The following VPS53 variants were observed in gnomAD, a reference collection of about 807,000 sequenced individuals.
VPS53 encodes vacuolar protein sorting-associated protein 53 homolog.
In VPS53, 70 loss-of-function variants were observed where a neutral mutation model predicts 107.0. The observed-to-expected ratio is 0.65, with a 90% confidence interval of 0.54 to 0.80. The LOEUF (loss-of-function observed/expected upper bound fraction) is 0.80, where lower values mean the gene tolerates loss of function less well. Among genes scored for constraint, VPS53 ranks in the 30% least tolerant of loss-of-function variants. The pLI is 0.00. For missense variants in VPS53, 917 were observed against 1,049.4 expected, an observed-to-expected ratio of 0.87 and a Z score of 1.74; for synonymous variants, 409 against 393.3, an observed-to-expected ratio of 1.04 and a Z score of -0.47.
intron 7 of VPS53, among the ~76,000 whole-genome samples, chr17:638,003 G>A (rs1970266348): frequency 2.0e-5 from 3 of 152,160 alleles, no homozygotes; most frequent in Non-Finnish European, 2.9e-5. Flanking sequence ...TCTGTCTAAT[G>A]TTGACAGTGG....
intron 13 of VPS53, among the ~76,000 whole-genome samples, chr17:569,073 C>A (rs182330552): frequency 6.6e-6 from 1 of 152,130 alleles, no homozygotes; most frequent in Non-Finnish European, 1.5e-5. Context: ...GGGAAATGGA[C>A]GACTCCAGGG....
chr17:697,396 T>C lies in VPS53; in HGVS notation c.285+22A>G, dbSNP rs751441688. 8 of 1,604,184 alleles carry C rather than the reference T, an allele frequency of 5.0e-6. No homozygotes were observed. The Middle Eastern group carries it at 8.3e-4, about 166-fold the overall frequency. On this transcript the variant is annotated intron_variant, in intron 4 of 21. Transcript: ENST00000437048. ...GGAGAAACCAGGGGAGCATAGGTAA[T>C]ATGGAGGAATGAGTTACTTACTTGC...
chr17:601,823 A>G lies in VPS53; in HGVS notation c.1190T>C (p.Leu397Pro). ...EDEPTPEMEE[L>P]ATEKGDLDQP... ...ATCTAAATCTCCTTTCTCCGTTGCC[A>G]GTTCCTCCATCTCTGGTGTTGGCTC... The change falls in exon 12 of 22, where the codon CTG becomes CCG. Residue 397 changes from leucine to proline, a missense_variant. By Grantham distance (98) the Leu-to-Pro change is moderately conservative. Coordinates refer to ENST00000437048, the MANE Select transcript of VPS53 (RefSeq NM_001128159.3). 3 of 1,603,312 alleles carry G rather than the reference A, an allele frequency of 1.9e-6. No homozygotes were observed. The highest frequency in any genetic ancestry group is 2.6e-6 in the Non-Finnish European group (3 of 1,174,438).
intron 19 of VPS53, among the ~76,000 whole-genome samples, chr17:529,398 TCACACACACACA>T (rs3084065): frequency 6.7e-6 from 1 of 150,200 alleles, no homozygotes; most frequent in Non-Finnish European, 1.5e-5. Flanking sequence ...ACACACACAC[TCACACACACACA>T]CACACACACA....
At chr17:567,476 G>A (rs1347542051) in intron 13 of VPS53, among the ~76,000 whole-genome samples, 8 of 151,238 alleles carry the variant, frequency 5.3e-5, no homozygotes, top group Non-Finnish European at 1.0e-4. Context: ...CATTAGTTTT[G>A]AATACATGAT....
intron 4 of VPS53, among the ~76,000 whole-genome samples, chr17:692,994 C>T (rs889721015): frequency 9.9e-5 from 15 of 152,062 alleles, no homozygotes; most frequent in African/African-American, 3.4e-4. Context: ...ATTAGCCAGG[C>T]GTGGTGGTGC....
intron 15 of VPS53, among the ~76,000 whole-genome samples, chr17:555,742 C>A (rs570789029): frequency 6.6e-6 from 1 of 152,312 alleles, no homozygotes; most frequent in South Asian, 2.1e-4. Flanking sequence ...ATCTTGATGA[C>A]AGACGTACAA....
At position 513,998 on chromosome 17, in the gene VPS53, T is replaced by C. The variant is rs376558817; in HGVS notation, c.*5130A>G. The C allele has an allele frequency of 4.1e-3, 37 of 8,942 alleles. No homozygotes were observed. Among genetic ancestry groups the C allele is most frequent in the African/African-American group, 0.014 (4 of 290 alleles). 0.6% of individuals were successfully genotyped at this position (8,942 alleles called of 1,614,324 possible). A position where few individuals can be genotyped will look rare whatever the true frequency, so the allele number is the denominator to read the frequency against. On this transcript the variant is annotated 3_prime_UTR_variant, in exon 22 of 22. Coordinates refer to ENST00000437048, the MANE Select transcript of VPS53 (RefSeq NM_001128159.3). ...GAGTGCTCTTCCTAGCGAAGGAATC[T>C]CATTTCCAGCAGGTTATTCCGAGTG...
rs534999456 is a variant in VPS53, at chr17:617,685, G to A, written c.1116+5848C>T. ...CCCCACTAATATTTCCCGGGTAGCT[G>A]GGACTACAGGCATGCGCCATCAGGC... On this transcript the variant is annotated intron_variant, in intron 11 of 21. Coordinates refer to ENST00000437048, the MANE Select transcript of VPS53 (RefSeq NM_001128159.3). Among the ~76,000 whole-genome samples, 14 of 149,460 alleles carry A rather than the reference G, an allele frequency of 9.4e-5. 1 individual carries two copies. In the South Asian group the frequency reaches 3.0e-3, roughly 32 times the overall value.
intron 4 of VPS53, among the ~76,000 whole-genome samples, chr17:678,236 A>G (rs1597477192): frequency 6.6e-6 from 1 of 151,888 alleles, no homozygotes; most frequent in South Asian, 2.1e-4. Context: ...CCTGGCCAAC[A>G]TAGCAAAACC....
chr17:560,318 C>G (rs971535607), intron 15 of VPS53, 108 bp downstream of exon 15: 1 of 1,417,928 alleles, frequency 7.1e-7, no homozygotes, highest in Middle Eastern at 2.6e-4. Context: ...CTGGTCTGAC[C>G]CAAGGTTGTC....
chr17:578,855 CAGAG>C (rs1334248152), intron 13 of VPS53, among the ~76,000 whole-genome samples: 6 of 149,696 alleles, frequency 4.0e-5, no homozygotes, highest in African/African-American at 1.2e-4. Flanking sequence ...AATGCGGTCC[CAGAG>C]AACATCCCTC....
At chr17:709,237 G>A (rs1056454611) in intron 2 of VPS53, among the ~76,000 whole-genome samples, 8 of 135,764 alleles carry the variant, frequency 5.9e-5, no homozygotes, top group African/African-American at 2.0e-4. Context: ...GCTCTGTCAC[G>A]GAACCTGCCT....
In VPS53 at chr17:651,327, T is replaced by C. The variant is rs535676498; in HGVS notation, c.608+1964A>G. On this transcript the variant is annotated intron_variant, in intron 7 of 21. Transcript: ENST00000437048. ...ATACATATTTGACCTTTTTAAACAATAGAAGATGTGGAACCAGGTGCAGTG... is the reference window on the plus strand; with the variant it reads ...ATACATATTTGACCTTTTTAAACAACAGAAGATGTGGAACCAGGTGCAGTG... Among the ~76,000 whole-genome samples, 13 of 152,288 alleles carry C rather than the reference T, an allele frequency of 8.5e-5. No individual in the cohort carries two copies. In the South Asian group the frequency reaches 1.2e-3, roughly 15 times the overall value.
Position 518,191 on chromosome 17 carries a change from G to A in VPS53, c.*937C>T, listed in dbSNP as rs2151789910. 6.6e-6 allele frequency: 1 copy of A among 152,250 alleles called. No individual in the cohort carries two copies. The highest frequency in any genetic ancestry group is 1.5e-5 in the Non-Finnish European group (1 of 68,032). 9.4% of individuals were successfully genotyped at this position (152,250 alleles called of 1,614,324 possible). A position where few individuals can be genotyped will look rare whatever the true frequency, so the allele number is the denominator to read the frequency against. Reference sequence around the variant, plus strand: ...TGAATCAGGGTTAACGGCTTGATATGCTGCCATTCTCTGGATGCAGGATGA... The same window carrying A: ...TGAATCAGGGTTAACGGCTTGATATACTGCCATTCTCTGGATGCAGGATGA... On this transcript the variant is annotated 3_prime_UTR_variant, in exon 22 of 22. Transcript: ENST00000437048.
chr17:668,667 A>G (rs1458149040), intron 4 of VPS53, among the ~76,000 whole-genome samples: 1 of 152,184 alleles, frequency 6.6e-6, no homozygotes, highest in Non-Finnish European at 1.5e-5. Context: ...AGGTCATGTC[A>G]TGTTATGGTG....
chr17:538,394 T>A (rs1910284409), intron 17 of VPS53: 1 of 152,262 alleles, frequency 6.6e-6, no homozygotes, highest in African/African-American at 2.4e-5. Flanking sequence ...AAAGAGATCC[T>A]AAGCCAAACA....
At position 525,206 on chromosome 17, in the gene VPS53, T is replaced by C. The variant is rs556264160; in HGVS notation, c.2086-3468A>G. On this transcript the variant is annotated intron_variant, in intron 19 of 21. Transcript: ENST00000437048. ...AATGATATGTCTAATGCCATTTATA[T>C]AGTTTTAAAATATGCAAAACAAAAT... 3.6e-4 allele frequency among the ~76,000 whole-genome samples: 55 copies of C among 152,358 alleles called. 1 individual carries two copies. The highest frequency in any genetic ancestry group is 3.1e-3 in the South Asian group (15 of 4,830).
At chr17:548,919 G>A (rs958936893) in intron 17 of VPS53, among the ~76,000 whole-genome samples, 4 of 152,154 alleles carry the variant, frequency 2.6e-5, no homozygotes, top group Admixed American at 6.5e-5. Flanking sequence ...CCTTACGAGG[G>A]CCTTCTTTGC....
Sources: gnomAD v4.1 joint callset for allele counts (sites outside exome capture counted in the v4.1 genomes callset) on GRCh38, gnomAD v4.1.1 for gene constraint, MANE v1.5 for transcripts, NCBI Gene and HGNC (gene_info 2026-07-23, HGNC 2026-07-21) for gene names.